Variants in ICOS observed in about 807,000 individuals in gnomAD.
The protein encoded by ICOS is inducible T-cell costimulator.
Under a neutral mutation model 24.6 loss-of-function variants are expected in ICOS, and 15 were observed. That is an observed-to-expected ratio of 0.61 (90% CI 0.41 to 0.94). The LOEUF (loss-of-function observed/expected upper bound fraction) is 0.94, where lower values mean the gene tolerates loss of function less well. ICOS is among the 40% of genes least tolerant of loss of function. ICOS has a pLI of 0.00. For missense variants in ICOS, 200 were observed against 233.0 expected, an observed-to-expected ratio of 0.86 and a Z score of 0.92; for synonymous variants, 89 against 77.5, an observed-to-expected ratio of 1.15 and a Z score of -0.78.
In ICOS at chr2:203,940,003, G is replaced by A. The variant is rs141347046; in HGVS notation, c.58+3131G>A. 2.3e-3 allele frequency among the ~76,000 whole-genome samples: 345 copies of A among 151,744 alleles called. 2 individuals are homozygous for A. Among genetic ancestry groups the A allele is most frequent in the African/African-American group, 8.0e-3 (331 of 41,330 alleles). The stretch of plus-strand genomic sequence containing the variant: ...CTCTTTTTCTCTTTTATTTTTGTTG[G>A]TGTGATGAAATTTCTTTTGACTCTC... On this transcript the variant is annotated intron_variant, in intron 1 of 4. Coordinates refer to ENST00000316386, the MANE Select transcript of ICOS (RefSeq NM_012092.4).
At chr2:203,954,118 A>T (rs753124609) in intron 1 of ICOS, among the ~76,000 whole-genome samples, 2 of 152,216 alleles carry the variant, frequency 1.3e-5, no homozygotes, top group Non-Finnish European at 2.9e-5. Flanking sequence ...TCATATTAAA[A>T]AGGAAAATAA....
At chr2:203,949,632 A>G (rs1689935197) in intron 1 of ICOS, among the ~76,000 whole-genome samples, 2 of 152,250 alleles carry the variant, frequency 1.3e-5, no homozygotes, top group East Asian at 1.9e-4. Context: ...GGAGCATATC[A>G]AAGATAGTAT....
In ICOS at chr2:203,959,990, C is replaced by T; in HGVS notation, c.*391C>T. Reference sequence around the variant, plus strand: ...GCAAAGCAAATGAGCAGCCAAGGACCAGCATCTGTCCGCATTTCACTATCA... The same window carrying T: ...GCAAAGCAAATGAGCAGCCAAGGACTAGCATCTGTCCGCATTTCACTATCA... On this transcript the variant is annotated 3_prime_UTR_variant, in exon 5 of 5. Coordinates refer to ENST00000316386, the MANE Select transcript of ICOS (RefSeq NM_012092.4). 3 of 346,326 alleles carry T rather than the reference C, an allele frequency of 8.7e-6. No individual in the cohort carries two copies. The East Asian group carries it at 2.1e-4, about 24-fold the overall frequency. The allele number at this position is 346,326 out of a possible 1,614,324, so 21.5% of individuals were successfully genotyped here.
intron 1 of ICOS, among the ~76,000 whole-genome samples, chr2:203,944,847 G>A (rs1223213425): frequency 6.6e-6 from 1 of 152,184 alleles, no homozygotes; most frequent in Non-Finnish European, 1.5e-5. Flanking sequence ...TATCTCAAGA[G>A]AGAAGTTGAC....
At chr2:203,959,327 G>T (rs1690129294) in intron 4 of ICOS, among the ~76,000 whole-genome samples, 1 of 152,186 alleles carries the variant, frequency 6.6e-6, no homozygotes, top group Admixed American at 6.5e-5. Flanking sequence ...GCAATCAGAG[G>T]TGGACAGTTT....
chr2:203,957,752 A>G lies in ICOS; in HGVS notation c.502-47A>G, dbSNP rs921546072. On this transcript the variant is annotated intron_variant, in intron 3 of 4. Coordinates refer to ENST00000316386, the MANE Select transcript of ICOS (RefSeq NM_012092.4). ...TAGAAAACAGTCAAAAAACAAAGAG[A>G]TGGAGAAGAAAAGATGACCAAGCAT... 13 of 1,347,790 alleles carry G rather than the reference A, an allele frequency of 9.6e-6. No individual in the cohort carries two copies. The African/African-American group carries it at 1.0e-4, about 10-fold the overall frequency. 83.5% of individuals were successfully genotyped at this position (1,347,790 alleles called of 1,614,324 possible).
At chr2:203,949,292 A>G (rs1689927602) in intron 1 of ICOS, among the ~76,000 whole-genome samples, 1 of 152,182 alleles carries the variant, frequency 6.6e-6, no homozygotes. Context: ...GTTGTTAGTG[A>G]CCACTGTCTA....
chr2:203,956,886 C>T, intron 3 of ICOS, 121 bp downstream of exon 3: 2 of 713,496 alleles, frequency 2.8e-6, no homozygotes, highest in Non-Finnish European at 5.1e-6. Context: ...ACAATTCCTT[C>T]CCCCCAAGAC....
At chr2:203,957,777 T>A in intron 3 of ICOS, 22 bp from the exon 4 acceptor site, 3 of 1,555,946 alleles carry the variant, frequency 1.9e-6, no homozygotes, top group Non-Finnish European at 2.7e-6. Context: ...TGACCAAGCA[T>A]GTTTCTGGCT....
intron 2 of ICOS, 38 bp downstream of exon 2, chr2:203,956,009 A>G (rs1305588084): frequency 4.1e-6 from 6 of 1,448,910 alleles, no homozygotes; most frequent in Non-Finnish European, 5.8e-6. Flanking sequence ...TTAAGAGTAT[A>G]TATATGTTTT....
Position 203,960,605 on chromosome 2 carries a change from T to C in ICOS, c.*1006T>C, listed in dbSNP as rs1165245303. 6.6e-6 allele frequency: 1 copy of C among 152,238 alleles called. No homozygotes were observed. The highest frequency in any genetic ancestry group is 2.1e-4 in the South Asian group (1 of 4,836). 9.4% of individuals were successfully genotyped at this position (152,238 alleles called of 1,614,324 possible). A position where few individuals can be genotyped will look rare whatever the true frequency, so the allele number is the denominator to read the frequency against. On this transcript the variant is annotated 3_prime_UTR_variant, in exon 5 of 5. Transcript: ENST00000316386. Reference sequence around the variant, plus strand: ...ATTAAAATTGCAAACAAAATCATCTTTAATGGGCCAGCATTCTCATGGGGT... The same window carrying C: ...ATTAAAATTGCAAACAAAATCATCTCTAATGGGCCAGCATTCTCATGGGGT...
intron 1 of ICOS, among the ~76,000 whole-genome samples, chr2:203,937,177 T>C (rs569564979): frequency 5.3e-5 from 8 of 152,306 alleles, no homozygotes; most frequent in African/African-American, 1.9e-4. Flanking sequence ...TTACTGTTCT[T>C]AGAGAAAGAT....
chr2:203,952,631 T>C (rs1034024032), intron 1 of ICOS, among the ~76,000 whole-genome samples: 1 of 152,194 alleles, frequency 6.6e-6, no homozygotes, highest in Non-Finnish European at 1.5e-5. Context: ...TCTTTAACTC[T>C]GTCTAATATA....
intron 1 of ICOS, among the ~76,000 whole-genome samples, chr2:203,948,453 C>A (rs1327317760): frequency 6.6e-6 from 1 of 152,194 alleles, no homozygotes; most frequent in African/African-American, 2.4e-5. Flanking sequence ...TGCTTCATCT[C>A]CTCAGATTTA....
intron 1 of ICOS, among the ~76,000 whole-genome samples, chr2:203,941,570 C>G (rs1468000259): frequency 1.3e-5 from 2 of 152,246 alleles, no homozygotes; most frequent in East Asian, 3.9e-4. Context: ...GTTTTATATG[C>G]AAAATGACTT....
chr2:203,939,954 C>G (rs890248892), intron 1 of ICOS, among the ~76,000 whole-genome samples: 24 of 152,248 alleles, frequency 1.6e-4, no homozygotes, highest in Non-Finnish European at 2.9e-4. Context: ...TGTTTATTTA[C>G]TACTTATTTT....
chr2:203,941,191 A>G (rs767331837), intron 1 of ICOS, among the ~76,000 whole-genome samples: 7 of 151,970 alleles, frequency 4.6e-5, no homozygotes, highest in Non-Finnish European at 5.9e-5. Flanking sequence ...TTTTTTTCCT[A>G]GTATTTGTTT....
chr2:203,957,015 T>TG (rs1470341684), intron 3 of ICOS, among the ~76,000 whole-genome samples: 2 of 152,142 alleles, frequency 1.3e-5, no homozygotes, highest in African/African-American at 4.8e-5. Context: ...TTATTATTAT[T>TG]GTTCAAACTA....
chr2:203,958,822 G>C (rs1349039034), intron 4 of ICOS, among the ~76,000 whole-genome samples: 1 of 152,070 alleles, frequency 6.6e-6, no homozygotes, highest in Non-Finnish European at 1.5e-5. Flanking sequence ...TCATTACTTT[G>C]CTGTTTAAAA....
Sources: allele counts gnomAD v4.1 joint callset (sites outside exome capture counted in the v4.1 genomes callset), GRCh38; gene constraint gnomAD v4.1.1; transcripts MANE v1.5; gene names NCBI Gene and HGNC (gene_info 2026-07-23, HGNC 2026-07-21).